CBLN2: variants seen among roughly 807,000 people sequenced by gnomAD.
CBLN2 encodes the protein cerebellin-2.
In CBLN2, 7 loss-of-function variants were observed where a neutral mutation model predicts 15.0. The observed-to-expected ratio is 0.47, with a 90% CI of 0.27 to 0.88. CBLN2 has a LOEUF of 0.88. CBLN2 is among the 40% of genes least tolerant of loss of function. The pLI is 0.14. For missense variants in CBLN2, 242 were observed against 304.5 expected, an observed-to-expected ratio of 0.79 and a Z score of 1.53; for synonymous variants, 149 against 135.2, an observed-to-expected ratio of 1.10 and a Z score of -0.71.
Position 72,542,283 on chromosome 18 carries a change from C to A in CBLN2, c.-123G>T, listed in dbSNP as rs1316099472. The stretch of plus-strand genomic sequence containing the variant: ...CGGGGGCCTTCGTCCCCGGCTCTGA[C>A]GTTCAAGGCCAGGGTCGTTCTCAGA... On this transcript the variant is annotated 5_prime_UTR_variant, in exon 3 of 5. Transcript: ENST00000269503. 4.0e-6 allele frequency: 2 copies of A among 504,008 alleles called. No individual in the cohort carries two copies. The highest frequency in any genetic ancestry group is 5.7e-6 in the Non-Finnish European group (2 of 353,904). 31.2% of individuals were successfully genotyped at this position (504,008 alleles called of 1,614,324 possible).
intron 1 of CBLN2, among the ~76,000 whole-genome samples, chr18:72,623,991 T>C (rs951545793): frequency 6.6e-6 from 1 of 152,206 alleles, no homozygotes; most frequent in African/African-American, 2.4e-5. Context: ...CACGAGAGGT[T>C]TCTGCAAACC....
chr18:72,625,846 TAC>T (rs1555673575), intron 1 of CBLN2, among the ~76,000 whole-genome samples: 1 of 109,178 alleles, frequency 9.2e-6, no homozygotes. Context: ...ATATATATAG[TAC>T]ACACACACAT....
chr18:72,607,531 C>T (rs555746584), intron 1 of CBLN2, among the ~76,000 whole-genome samples: 1 of 152,294 alleles, frequency 6.6e-6, no homozygotes, highest in South Asian at 2.1e-4. Context: ...TTCCTTGTTG[C>T]TTCTAGAGCA....
At chr18:72,569,846 T>TG (rs2069319771) in intron 1 of CBLN2, among the ~76,000 whole-genome samples, 2 of 152,030 alleles carry the variant, frequency 1.3e-5, no homozygotes, top group Admixed American at 6.6e-5. Flanking sequence ...CATCCAACAC[T>TG]GGGGGTGACA....
At chr18:72,606,742 T>G (rs914054701) in intron 1 of CBLN2, among the ~76,000 whole-genome samples, 19 of 152,138 alleles carry the variant, frequency 1.2e-4, no homozygotes, top group Admixed American at 2.6e-4. Flanking sequence ...TGTGGGGACC[T>G]CCATTCAAGG....
At chr18:72,615,892 G>C (rs777221913) in intron 1 of CBLN2, among the ~76,000 whole-genome samples, 1 of 152,094 alleles carries the variant, frequency 6.6e-6, no homozygotes, top group African/African-American at 2.4e-5. Context: ...ACTTGTATTA[G>C]TTTTTAAATA....
In CBLN2 at chr18:72,550,741, C is replaced by A. The variant is rs189177414; in HGVS notation, c.16-11969G>T. Among the ~76,000 whole-genome samples the A allele has an allele frequency of 1.5e-3, 222 of 151,228 alleles. 2 individuals are homozygous for A. Among genetic ancestry groups the A allele is most frequent in the Admixed American group, 2.8e-3 (43 of 15,198 alleles). On this transcript the variant is annotated intron_variant, in intron 1 of 2. Transcript: ENST00000581073. ...TTTAATTTTGTAAATCCTCTATGTG[C>A]CTTTAGGGAGATTTCAGTGAATATT... is the stretch of plus-strand genomic sequence containing the variant.
intron 1 of CBLN2, among the ~76,000 whole-genome samples, chr18:72,625,787 A>ACTCTCT (rs374437409): frequency 1.8e-4 from 14 of 79,466 alleles, no homozygotes; most frequent in South Asian, 5.3e-4. Context: ...TATATATATG[A>ACTCTCT]CTCTCTCTCT....
intron 1 of CBLN2, among the ~76,000 whole-genome samples, chr18:72,560,958 A>G (rs2069256808): frequency 6.6e-6 from 1 of 152,124 alleles, no homozygotes. Flanking sequence ...GCAGTGAGCC[A>G]AGATCTCGCC....
At chr18:72,540,638 T>C (rs2069101951) in intron 3 of CBLN2, among the ~76,000 whole-genome samples, 1 of 151,918 alleles carries the variant, frequency 6.6e-6, no homozygotes, top group Non-Finnish European at 1.5e-5. Flanking sequence ...TTACATTTTG[T>C]AAATAAAAAT....
chr18:72,594,063 A>G (rs1376127673), intron 1 of CBLN2, among the ~76,000 whole-genome samples: 1 of 152,148 alleles, frequency 6.6e-6, no homozygotes, highest in Non-Finnish European at 1.5e-5. Flanking sequence ...TGTTCTCACT[A>G]TAAGTGGGAG....
At chr18:72,585,244 A>G (rs1420568247) in intron 1 of CBLN2, among the ~76,000 whole-genome samples, 1 of 152,168 alleles carries the variant, frequency 6.6e-6, no homozygotes, top group Admixed American at 6.5e-5. Context: ...GGAGGTGGAC[A>G]TGTTTCAGAC....
At chr18:72,582,743 G>A (rs545116960) in intron 1 of CBLN2, among the ~76,000 whole-genome samples, 2 of 152,216 alleles carry the variant, frequency 1.3e-5, no homozygotes, top group East Asian at 3.9e-4. Flanking sequence ...TAAACAGATT[G>A]GAAAAGCAGT....
intron 1 of CBLN2, among the ~76,000 whole-genome samples, chr18:72,604,188 C>T (rs919028335): frequency 6.6e-5 from 10 of 152,308 alleles, no homozygotes; most frequent in Admixed American, 5.9e-4. Flanking sequence ...TGCAAAAACA[C>T]GGGCTCCTCC....
At chr18:72,631,143 G>A (rs998660114) in intron 1 of CBLN2, 2 of 152,154 alleles carry the variant, frequency 1.3e-5, no homozygotes, top group Non-Finnish European at 2.9e-5. Context: ...TTAGTAAAGA[G>A]ACTGCTCCAT....
chr18:72,587,329 C>A (rs10153349), intron 1 of CBLN2, among the ~76,000 whole-genome samples: 21,935 of 151,918 alleles, frequency 0.14, 3,866 homozygotes, highest in African/African-American at 0.42. Flanking sequence ...ATAAGTTATT[C>A]CTTTACTTTG....
intron 1 of CBLN2, among the ~76,000 whole-genome samples, chr18:72,606,094 A>T (rs1176349480): frequency 1.3e-5 from 2 of 152,214 alleles, no homozygotes; most frequent in Non-Finnish European, 2.9e-5. Context: ...CATCCTTGAG[A>T]TTCTTCCCAA....
At chr18:72,612,448 A>AT (rs1239318763) in intron 1 of CBLN2, among the ~76,000 whole-genome samples, 2 of 152,020 alleles carry the variant, frequency 1.3e-5, no homozygotes, top group African/African-American at 2.4e-5. Context: ...CCTCAAACTG[A>AT]TTGCAGGCTC....
chr18:72,540,269 TC>T (rs1177684438), intron 3 of CBLN2: 2 of 152,146 alleles, frequency 1.3e-5, no homozygotes, highest in African/African-American at 2.4e-5. Flanking sequence ...ACTGATAAAT[TC>T]AGGTAGAATT....
Sources: gnomAD v4.1 joint callset for allele counts (sites outside exome capture counted in the v4.1 genomes callset) on GRCh38, gnomAD v4.1.1 for gene constraint, MANE v1.5 for transcripts, NCBI Gene and HGNC (gene_info 2026-07-23, HGNC 2026-07-21) for gene names.